The following ZFP91 variants were observed in gnomAD, a reference collection of about 807,000 sequenced individuals.
ZFP91 encodes ZFP91 zinc finger protein, atypical E3 ubiquitin ligase, also known as E3 ubiquitin-protein ligase ZFP91.
ZFP91 carries 7 observed loss-of-function variants against 63.5 expected under a neutral mutation model. The ratio of observed to expected loss-of-function variants is 0.11; its 90% CI spans 0.06 to 0.21. The LOEUF is 0.21. Among genes scored for constraint, ZFP91 ranks in the 10% least tolerant of loss-of-function variants. The pLI is 1.00. For synonymous variants in ZFP91, 330 were observed against 272.1 expected, an observed-to-expected ratio of 1.21 and a Z score of -2.10; for missense variants, 628 against 736.6, an observed-to-expected ratio of 0.85 and a Z score of 1.71.
chr11:58,615,001 G>A (rs1855727319), intron 9 of ZFP91, among the ~76,000 whole-genome samples: 1 of 152,170 alleles, frequency 6.6e-6, no homozygotes, highest in South Asian at 2.1e-4. Flanking sequence ...AACAGTCTTA[G>A]AGAGTAAGTC....
chr11:58,587,546 A>T (rs1855232158), intron 2 of ZFP91, among the ~76,000 whole-genome samples: 1 of 152,170 alleles, frequency 6.6e-6, no homozygotes, highest in Admixed American at 6.5e-5. Flanking sequence ...CTGGCAGAGG[A>T]TTATCTTCAT....
At chr11:58,606,082 G>A (rs1036305271) in intron 2 of ZFP91, among the ~76,000 whole-genome samples, 2 of 151,902 alleles carry the variant, frequency 1.3e-5, no homozygotes, top group African/African-American at 2.4e-5. Context: ...TGTGGGGGGG[G>A]TGTGGTTTCA....
intron 2 of ZFP91, among the ~76,000 whole-genome samples, chr11:58,593,902 C>G (rs1025457710): frequency 7.9e-5 from 12 of 152,192 alleles, no homozygotes; most frequent in Non-Finnish European, 7.3e-5. Flanking sequence ...CTAGTCCTGT[C>G]TCGTCTGTTT....
intron 10 of ZFP91, 102 bp downstream of exon 10, chr11:58,616,917 T>G: frequency 8.8e-7 from 1 of 1,130,998 alleles, no homozygotes; most frequent in Non-Finnish European, 1.3e-6. Context: ...CTGTTTACTT[T>G]CATCAAATAA....
At chr11:58,602,762 G>A (rs1241336709) in intron 2 of ZFP91, among the ~76,000 whole-genome samples, 3 of 152,116 alleles carry the variant, frequency 2.0e-5, no homozygotes, top group Non-Finnish European at 2.9e-5. Flanking sequence ...TATTGGAAGT[G>A]GGCTATGAAA....
chr11:58,581,159 T>C (rs545363508), intron 1 of ZFP91, among the ~76,000 whole-genome samples: 1 of 152,330 alleles, frequency 6.6e-6, no homozygotes. Context: ...GGTGGGATGG[T>C]AGATCCTTGA....
At chr11:58,607,899 C>T (rs1468164884) in intron 2 of ZFP91, among the ~76,000 whole-genome samples, 1 of 151,816 alleles carries the variant, frequency 6.6e-6, no homozygotes, top group Admixed American at 6.6e-5. Context: ...TGTTTCTGTT[C>T]TTTGCTATTA....
At chr11:58,611,953 G>T in intron 6 of ZFP91, 1 of 561,238 alleles carries the variant, frequency 1.8e-6, no homozygotes, top group South Asian at 3.1e-5. Context: ...CAAGGAGAAG[G>T]TATTTTTTAA....
intron 9 of ZFP91, 22 bp from the exon 10 acceptor site, chr11:58,616,694 A>G (rs1443620212): frequency 6.2e-7 from 1 of 1,602,962 alleles, no homozygotes; most frequent in Admixed American, 1.7e-5. Flanking sequence ...ATAGAACACT[A>G]ACCACAGTAT....
chr11:58,615,187 T>C (rs1855730186), intron 9 of ZFP91, among the ~76,000 whole-genome samples: 1 of 152,222 alleles, frequency 6.6e-6, no homozygotes, highest in South Asian at 2.1e-4. Flanking sequence ...CATAAAATGC[T>C]ATTGACTACA....
chr11:58,579,133 A>C lies in ZFP91; in HGVS notation c.-149A>C. 7.7e-6 allele frequency: 4 copies of C among 517,014 alleles called. No homozygotes were observed. Among genetic ancestry groups the C allele is most frequent in the Non-Finnish European group, 1.1e-5 (4 of 369,136 alleles). 32.0% of individuals were successfully genotyped at this position (517,014 alleles called of 1,614,324 possible). On this transcript the variant is annotated 5_prime_UTR_variant, in exon 1 of 11. Coordinates refer to ENST00000316059, the MANE Select transcript of ZFP91 (RefSeq NM_053023.5). ...CAGGGGGTGGGGGGGGCGCCCTCGG[A>C]GCCGGGCGGAGGGGAGGGGGGAAAG...
At position 58,621,233 on chromosome 11, in the gene ZFP91, A is replaced by T. The variant is rs995061274; in HGVS notation, c.*3527A>T. Among the ~76,000 whole-genome samples the T allele has an allele frequency of 7.2e-5, 11 of 152,204 alleles. No homozygotes were observed. Among genetic ancestry groups the T allele is most frequent in the Non-Finnish European group, 1.5e-4 (10 of 68,024 alleles). On this transcript the variant is annotated 3_prime_UTR_variant, in exon 11 of 11. Transcript: ENST00000316059. ...AATGCTGAAATGACATGATTCTGTT[A>T]TTCAGCAAACTTGGAAATCTTGATG...
intron 2 of ZFP91, among the ~76,000 whole-genome samples, chr11:58,587,644 T>A (rs936835750): frequency 5.3e-5 from 8 of 152,152 alleles, no homozygotes; most frequent in Non-Finnish European, 1.0e-4. Context: ...TTTCATTGTT[T>A]CTCTGTTTTG....
At chr11:58,584,133 G>A (rs1279899507) in intron 1 of ZFP91, among the ~76,000 whole-genome samples, 3 of 151,954 alleles carry the variant, frequency 2.0e-5, no homozygotes, top group Non-Finnish European at 4.4e-5. Context: ...AAATCTTCAG[G>A]CTATAACAAT....
In ZFP91 at chr11:58,617,943, A is replaced by AAGC. The variant is rs996335083; in HGVS notation, c.*247_*249dup. 2.3e-4 allele frequency: 100 copies of AAGC among 430,750 alleles called. No individual in the cohort carries two copies. Among genetic ancestry groups the AAGC allele is most frequent in the Admixed American group, 2.2e-3 (50 of 22,248 alleles). 26.7% of individuals were successfully genotyped at this position (430,750 alleles called of 1,614,324 possible). A position where few individuals can be genotyped will look rare whatever the true frequency, so the allele number is the denominator to read the frequency against. On this transcript the variant is annotated 3_prime_UTR_variant, in exon 11 of 11. Coordinates refer to ENST00000316059, the MANE Select transcript of ZFP91 (RefSeq NM_053023.5). The surrounding 1 kb of genome is among the most constrained non-coding windows in gnomAD (Gnocchi z 4.2). ...TTTACCAGAAAGGTAGACAAAAAAG[A>AAGC]AGCAGCAGCAGCTCTTAAAGTGAGG...
intron 2 of ZFP91, among the ~76,000 whole-genome samples, chr11:58,594,680 T>C (rs955490481): frequency 4.6e-5 from 7 of 152,168 alleles, no homozygotes; most frequent in African/African-American, 1.7e-4. Context: ...AAAAAACATA[T>C]GTAGATGGAG....
chr11:58,617,613 C>T lies in ZFP91; in HGVS notation c.1620C>T (p.Ser540=). Residue 540 remains serine (S), a synonymous_variant, in exon 11 of 11, where the codon AGC becomes AGT. Transcript: ENST00000316059. The surrounding 1 kb of genome is among the most constrained non-coding windows in gnomAD (Gnocchi z 4.2). ...GGAAGATCTTTGTGGGAAGCGGCAG[C>T]AGTGGAGGCACTGAAGGGCTGGTTA... ...ADGKIFVGSG[S]SGGTEGLVMN... The T allele has an allele frequency of 1.2e-6, 2 of 1,600,580 alleles. No individual in the cohort carries two copies. Among genetic ancestry groups the T allele is most frequent in the South Asian group, 1.1e-5 (1 of 88,652 alleles).
rs2509918 is a variant in ZFP91 at position 58,608,807 on chromosome 11, G to A, written c.371-1023G>A. Among the ~76,000 whole-genome samples the A allele has an allele frequency of 7.1e-3, 1,082 of 152,206 alleles. 10 individuals carry two copies. The highest frequency in any genetic ancestry group is 0.025 in the African/African-American group (1,039 of 41,522). On this transcript the variant is annotated intron_variant, in intron 2 of 10. Transcript: ENST00000316059. ...TTTGGTAGAGACGGGGTTTCACCAC[G>A]TTGGCCAGGCTGGTCACAAACGCCT...
At chr11:58,609,287 A>G (rs1284918038) in intron 2 of ZFP91, among the ~76,000 whole-genome samples, 2 of 152,260 alleles carry the variant, frequency 1.3e-5, no homozygotes, top group African/African-American at 4.8e-5. Context: ...GAATAGCACC[A>G]GAGCTGGACT....
Sources: allele counts gnomAD v4.1 joint callset (sites outside exome capture counted in the v4.1 genomes callset), GRCh38; gene constraint gnomAD v4.1.1; non-coding constraint Gnocchi (gnomAD v3.1); transcripts MANE v1.5; gene names NCBI Gene and HGNC (gene_info 2026-07-23, HGNC 2026-07-21).